Variants in CAND2 observed in about 807,000 individuals in gnomAD.
CAND2 encodes the protein cullin-associated NEDD8-dissociated protein 2.
In CAND2, 62 loss-of-function variants were observed where a neutral mutation model predicts 98.9. That is an observed-to-expected ratio of 0.63 (90% CI 0.51 to 0.77). CAND2 has a LOEUF of 0.77. CAND2 is among the 30% of genes least tolerant of loss of function. The pLI is 0.00. For synonymous variants in CAND2, 770 were observed against 731.9 expected (o/e 1.05, Z -0.84); for missense variants, 1,501 against 1,655.2 (o/e 0.91, Z 1.62).
chr3:12,827,350 G>A, intron 12 of CAND2, 90 bp from the exon 13 acceptor site: 2 of 1,285,540 alleles, frequency 1.6e-6, no homozygotes, highest in Non-Finnish European at 1.1e-6. Flanking sequence ...GGCATGGATT[G>A]TGGAATAGAG....
At chr3:12,798,677 G>C (rs968134712) in intron 1 of CAND2, among the ~76,000 whole-genome samples, 1 of 152,226 alleles carries the variant, frequency 6.6e-6, no homozygotes, top group Non-Finnish European at 1.5e-5. Context: ...CTCTGGGAGA[G>C]GGAGTTGGCC....
rs1404185579 is a variant in CAND2 at position 12,807,365 on chromosome 3, T to A, written c.272T>A (p.Leu91Gln). ...EYQVETIVDT[L>Q]CTNMRSDKEQ... is the part of the protein sequence containing the mutation. ...CAGGTGGAGACCATTGTGGACACCC[T>A]GTGCACCAACATGCGGTCAGACAAG... Residue 91 changes from leucine (L) to glutamine (Q), a missense_variant, in exon 3 of 15, where the codon CTG becomes CAG. Coordinates refer to ENST00000456430, the MANE Select transcript of CAND2 (RefSeq NM_001162499.2). 6 of 1,551,712 alleles carry A rather than the reference T, an allele frequency of 3.9e-6. No homozygotes were observed. The South Asian group carries it at 7.1e-5, about 18-fold the overall frequency.
In CAND2 at chr3:12,808,242, A is replaced by G. The variant is rs1287095186; in HGVS notation, c.400A>G (p.Ile134Val). Residue 134 changes from isoleucine (I) to valine (V), a missense_variant, in exon 4 of 15, where the codon ATC becomes GTC. This residue lies in a region of CAND2 where 1,427 missense variants were observed against 1,545.3 expected (regional missense o/e 0.92). Coordinates refer to ENST00000456430, the MANE Select transcript of CAND2 (RefSeq NM_001162499.2). ...SGLATNVCRKITGQLTSAIAQ... is the reference protein window; with the variant it reads ...SGLATNVCRKVTGQLTSAIAQ... ...GCTGGCCACCAACGTGTGCCGGAAGATCACAGGCCAGCTCACCAGTGCCAT... is the reference window on the plus strand; with the variant it reads ...GCTGGCCACCAACGTGTGCCGGAAGGTCACAGGCCAGCTCACCAGTGCCAT... 1 of 1,551,228 alleles carries G rather than the reference A, an allele frequency of 6.4e-7. No homozygotes were observed. The highest frequency in any genetic ancestry group is 8.7e-7 in the Non-Finnish European group (1 of 1,146,984).
rs149837456 is a variant in CAND2, at chr3:12,809,418, G to A, written c.492-641G>A. Among the ~76,000 whole-genome samples the A allele has an allele frequency of 3.0e-3, 460 of 152,268 alleles. 1 individual carries two copies. The highest frequency in any genetic ancestry group is 9.8e-3 in the East Asian group (51 of 5,186). ...AAACAAATGAAACCTAGGAGAGGGG[G>A]TTGGGTAGGACATAGAAATAAGGGA... is the stretch of plus-strand genomic sequence containing the variant. On this transcript the variant is annotated intron_variant, in intron 4 of 14. Coordinates refer to ENST00000456430, the MANE Select transcript of CAND2 (RefSeq NM_001162499.2).
At chr3:12,821,037 C>A (rs2061953302) in intron 11 of CAND2, among the ~76,000 whole-genome samples, 2 of 152,146 alleles carry the variant, frequency 1.3e-5, no homozygotes, top group Non-Finnish European at 2.9e-5. Flanking sequence ...AGTTCAAGAC[C>A]AGCCTGGCCA....
chr3:12,826,991 C>T (rs61514619), intron 12 of CAND2, among the ~76,000 whole-genome samples: 70,136 of 151,860 alleles, frequency 0.46, 16,390 homozygotes, highest in Admixed American at 0.51. Flanking sequence ...CCACCATGCC[C>T]GGCTAATTTT....
intron 12 of CAND2, among the ~76,000 whole-genome samples, chr3:12,825,901 G>A (rs757374255): frequency 2.6e-5 from 4 of 152,202 alleles, no homozygotes; most frequent in South Asian, 2.1e-4. Context: ...GTGAGGTCCT[G>A]TAAGTGTTCA....
rs962358069 is a variant in CAND2 at position 12,802,532 on chromosome 3, C to A, written c.69-956C>A. Among the ~76,000 whole-genome samples the A allele has an allele frequency of 3.9e-5, 6 of 152,256 alleles. No individual in the cohort carries two copies. The East Asian group carries it at 1.2e-3, about 29-fold the overall frequency. Reference sequence around the variant, plus strand: ...GGCTTGGAGAGGTGAAATGACTTGCCCAAGTTCACACTCATAAATGGCTGA... The same window carrying A: ...GGCTTGGAGAGGTGAAATGACTTGCACAAGTTCACACTCATAAATGGCTGA... On this transcript the variant is annotated intron_variant, in intron 1 of 14. Coordinates refer to ENST00000456430, the MANE Select transcript of CAND2 (RefSeq NM_001162499.2).
chr3:12,815,537 TGGAAG>T lies in CAND2; in HGVS notation c.1299+117_1299+121del. On this transcript the variant is annotated intron_variant, in intron 8 of 14. Coordinates refer to ENST00000456430, the MANE Select transcript of CAND2 (RefSeq NM_001162499.2). The surrounding 1 kb of genome is among the most constrained non-coding windows in gnomAD (Gnocchi z 5.7). ...ACTCAGCTGGGAGAACATCCAGCCA[TGGAAG>T]GGAAGGGAAGGGGTCCCTGGGGTGG... 1.0e-5 allele frequency: 10 copies of T among 983,918 alleles called. No individual in the cohort carries two copies. The highest frequency in any genetic ancestry group is 1.3e-5 in the Non-Finnish European group (9 of 708,696). 60.9% of individuals were successfully genotyped at this position (983,918 alleles called of 1,614,324 possible). A position where few individuals can be genotyped will look rare whatever the true frequency, so the allele number is the denominator to read the frequency against.
In CAND2 at chr3:12,834,310, A is replaced by T. The variant is rs1408065504; in HGVS notation, c.*328A>T. ...CCTTCAGAGGGTGTCTCTGCCTCAC[A>T]AACTAGTAGTATTTAGAAATAGGCT... On this transcript the variant is annotated 3_prime_UTR_variant, in exon 15 of 15. Coordinates refer to ENST00000456430, the MANE Select transcript of CAND2 (RefSeq NM_001162499.2). 2 of 308,898 alleles carry T rather than the reference A, an allele frequency of 6.5e-6. No homozygotes were observed. Among genetic ancestry groups the T allele is most frequent in the African/African-American group, 2.1e-5 (1 of 48,232 alleles). The allele number at this position is 308,898 out of a possible 1,614,324, so 19.1% of individuals were successfully genotyped here.
chr3:12,818,469 C>G (rs1037312617), intron 10 of CAND2, among the ~76,000 whole-genome samples: 3 of 152,202 alleles, frequency 2.0e-5, no homozygotes, highest in African/African-American at 7.2e-5. Context: ...GCCCCCGAGG[C>G]TTGGAGAGGG....
intron 9 of CAND2, 100 bp downstream of exon 9, chr3:12,816,108 C>A: frequency 8.0e-7 from 1 of 1,251,660 alleles, no homozygotes; most frequent in Non-Finnish European, 1.1e-6. Context: ...CAGTCTGAGA[C>A]CCAATCCCAG....
At chr3:12,802,043 C>T (rs1192383202) in intron 1 of CAND2, among the ~76,000 whole-genome samples, 3 of 152,046 alleles carry the variant, frequency 2.0e-5, no homozygotes, top group Non-Finnish European at 4.4e-5. Flanking sequence ...TCTGGTATCC[C>T]TTGGCTGGGC....
At chr3:12,796,860 GC>G in intron 1 of CAND2, 72 bp downstream of exon 1, 1 of 1,247,306 alleles carries the variant, frequency 8.0e-7, no homozygotes, top group Non-Finnish European at 1.2e-6. Context: ...CTCTCGAAGC[GC>G]CAGCCCATCC....
intron 4 of CAND2, 39 bp from the exon 5 acceptor site, chr3:12,810,020 C>T: frequency 1.4e-6 from 2 of 1,385,806 alleles, no homozygotes; most frequent in Non-Finnish European, 1.9e-6. Flanking sequence ...AGGTTGCCCG[C>T]GGAGTGCGAT....
At chr3:12,799,841 G>T (rs1204408351) in intron 1 of CAND2, among the ~76,000 whole-genome samples, 2 of 152,204 alleles carry the variant, frequency 1.3e-5, no homozygotes, top group African/African-American at 4.8e-5. Flanking sequence ...AGGGGCTGTG[G>T]ATGCAGGGGT....
rs771516008 is a variant in CAND2, at chr3:12,813,326, A to G, written c.944A>G (p.Asn315Ser). Residue 315 changes from asparagine (N) to serine (S), a missense_variant, in exon 7 of 15, where the codon AAC (asparagine) becomes AGC (serine). Asn to Ser is a conservative substitution (Grantham distance 46). Transcript: ENST00000456430. The stretch of plus-strand genomic sequence containing the variant: ...TACATAAAACACGACCCCAACTACA[A>G]CTACGACAGTGATGAGGATGAGGAG... ...LQYIKHDPNYNYDSDEDEEQM... is the reference protein window; with the variant it reads ...LQYIKHDPNYSYDSDEDEEQM... 1.3e-5 allele frequency: 21 copies of G among 1,614,040 alleles called. No individual in the cohort carries two copies. The East Asian group carries it at 2.0e-4, about 15-fold the overall frequency.
At chr3:12,827,832 A>G (rs2062016750) in intron 13 of CAND2, among the ~76,000 whole-genome samples, 1 of 152,096 alleles carries the variant, frequency 6.6e-6, no homozygotes, top group African/African-American at 2.4e-5. Context: ...AGAAAAAAAA[A>G]ATTGTCCAGG....
chr3:12,803,182 CT>C (rs2061779157), intron 1 of CAND2, among the ~76,000 whole-genome samples: 1 of 152,042 alleles, frequency 6.6e-6, no homozygotes, highest in South Asian at 2.1e-4. Context: ...TTAGTAGAGA[CT>C]GGGTTTCACC....
Sources: gnomAD v4.1 joint callset for allele counts (sites outside exome capture counted in the v4.1 genomes callset) on GRCh38, gnomAD v4.1.1 for gene constraint, gnomAD v4.1.1 regional missense constraint, Gnocchi (gnomAD v3.1) non-coding constraint, MANE v1.5 for transcripts, NCBI Gene and HGNC (gene_info 2026-07-23, HGNC 2026-07-21) for gene names.